The following COL6A5 variants were observed in gnomAD, a reference collection of about 807,000 sequenced individuals.
COL6A5 encodes the protein collagen alpha-5(VI) chain.
COL6A5 carries 48 observed loss-of-function variants against 65.6 expected under a neutral mutation model. The observed-to-expected ratio is 0.73, with a 90% CI of 0.58 to 0.93. The LOEUF (loss-of-function observed/expected upper bound fraction) is 0.93. Among genes scored for constraint, COL6A5 ranks in the 40% least tolerant of loss-of-function variants. The pLI is 0.00. For synonymous variants in COL6A5, 291 were observed against 322.8 expected (o/e 0.90, Z 1.05); for missense variants, 914 against 928.3 (o/e 0.98, Z 0.20).
At chr3:130,382,707 C>T (rs1466287780) in intron 4 of COL6A5, among the ~76,000 whole-genome samples, 1 of 152,102 alleles carries the variant, frequency 6.6e-6, no homozygotes, top group Non-Finnish European at 1.5e-5. Flanking sequence ...GAGAAACAAT[C>T]TATATCTGGC....
intron 22 of COL6A5, among the ~76,000 whole-genome samples, chr3:130,415,080 C>T (rs554022658): frequency 6.6e-6 from 1 of 152,194 alleles, no homozygotes; most frequent in South Asian, 2.1e-4. Flanking sequence ...GGCTCCTGGG[C>T]AGCCCAGGGC....
At chr3:130,473,708 T>G (rs778522042) in intron 7 of COL6A5, among the ~76,000 whole-genome samples, 12 of 152,198 alleles carry the variant, frequency 7.9e-5, no homozygotes, top group Non-Finnish European at 1.6e-4. Context: ...AGCAAGTGTT[T>G]CTTGTGATTA....
chr3:130,426,621 A>G (rs1471292208), upstream of COL6A5, among the ~76,000 whole-genome samples: 5 of 152,192 alleles, frequency 3.3e-5, no homozygotes, highest in Non-Finnish European at 5.9e-5. Flanking sequence ...GGCAATGCAG[A>G]CATCAAGAGA....
intron 5 of COL6A5, among the ~76,000 whole-genome samples, chr3:130,465,357 A>G (rs998122347): frequency 3.3e-5 from 5 of 152,082 alleles, no homozygotes; most frequent in African/African-American, 1.2e-4. Context: ...ATGCATGTGA[A>G]GGAATTACCT....
intron 28 of COL6A5, 77 bp from the exon 29 acceptor site, chr3:130,423,757 TAGAA>T: frequency 9.0e-7 from 1 of 1,116,086 alleles, no homozygotes. Context: ...TTTTTAAAAT[TAGAA>T]AGTCTTATCG....
chr3:130,415,586 A>G, intron 22 of COL6A5, 59 bp from the exon 23 acceptor site: 7 of 1,460,262 alleles, frequency 4.8e-6, no homozygotes, highest in African/African-American at 1.4e-5. Context: ...CAAAAGAAAC[A>G]CTGAGAAGTA....
chr3:130,463,375 A>C (rs1047339385), intron 5 of COL6A5, among the ~76,000 whole-genome samples: 1 of 152,004 alleles, frequency 6.6e-6, no homozygotes, highest in African/African-American at 2.4e-5. Flanking sequence ...ATTTCCCACA[A>C]ATGCCATGAA....
At chr3:130,468,862 A>G (rs1709879196) in exon 6 of COL6A5, 2 of 1,611,764 alleles carry the variant, frequency 1.2e-6, no homozygotes, top group East Asian at 4.5e-5. Context: ...TCTCTCTTCA[A>G]GAATATTACA....
intron 13 of COL6A5, among the ~76,000 whole-genome samples, chr3:130,405,257 A>G (rs1482283328): frequency 6.6e-6 from 1 of 152,206 alleles, no homozygotes; most frequent in African/African-American, 2.4e-5. Context: ...TTAGGGCCGT[A>G]GATGGATTAC....
chr3:130,406,827 T>C (rs1937010061), intron 17 of COL6A5, among the ~76,000 whole-genome samples: 1 of 152,204 alleles, frequency 6.6e-6, no homozygotes, highest in African/African-American at 2.4e-5. Context: ...TTCTGATCCA[T>C]TGATTTATGA....
intron 7 of COL6A5, among the ~76,000 whole-genome samples, chr3:130,471,340 A>G (rs1252877835): frequency 1.3e-5 from 2 of 152,130 alleles, no homozygotes; most frequent in African/African-American, 2.4e-5. Context: ...CATAAAAAAC[A>G]AAACAAAATA....
intron 7 of COL6A5, among the ~76,000 whole-genome samples, chr3:130,475,012 A>C (rs1710054756): frequency 1.1e-5 from 1 of 91,450 alleles, no homozygotes; most frequent in South Asian, 4.5e-4. Context: ...GTCTCCAAAA[A>C]AAAAAAAAAA....
intron 13 of COL6A5, 120 bp from the exon 14 acceptor site, chr3:130,405,468 A>T (rs1160111873): frequency 8.1e-6 from 5 of 614,110 alleles, no homozygotes; most frequent in Non-Finnish European, 1.5e-5. Flanking sequence ...TTTGAAGAGG[A>T]TTCACTTTTT....
At chr3:130,354,505 C>T (rs192905526) in intron 1 of COL6A5, among the ~76,000 whole-genome samples, 2 of 152,246 alleles carry the variant, frequency 1.3e-5, no homozygotes, top group East Asian at 3.9e-4. Flanking sequence ...TCTCTAGGGG[C>T]TTATTAAAAA....
rs112862449 is a variant in COL6A5 at position 130,448,798 on chromosome 3, G to A, written c.1332+5232G>A. Among the ~76,000 whole-genome samples the A allele has an allele frequency of 5.1e-3, 780 of 152,244 alleles. 10 individuals carry two copies. The highest frequency in any genetic ancestry group is 0.017 in the African/African-American group (709 of 41,552). On this transcript the variant is annotated intron_variant, in intron 4 of 7. Coordinates refer to ENST00000512836, the Ensembl canonical transcript of COL6A5. The stretch of plus-strand genomic sequence containing the variant: ...TGAGGAAGTACTTTCCATTGATAAC[G>A]AGCTGCAGGCTCCTGATTATTGATA...
intron 7 of COL6A5, among the ~76,000 whole-genome samples, chr3:130,473,260 A>G (rs1312539881): frequency 6.6e-6 from 1 of 152,068 alleles, no homozygotes; most frequent in African/African-American, 2.4e-5. Context: ...GTATATTGTG[A>G]AGGGCCATGA....
intron 8 of COL6A5, among the ~76,000 whole-genome samples, chr3:130,396,691 TG>T (rs1278326296): frequency 6.6e-6 from 1 of 152,342 alleles, no homozygotes; most frequent in Non-Finnish European, 1.5e-5. Flanking sequence ...TACTCTCAGC[TG>T]GAACTGAACA....
chr3:130,450,134 G>A (rs1240010746), intron 4 of COL6A5, among the ~76,000 whole-genome samples: 1 of 151,608 alleles, frequency 6.6e-6, no homozygotes, highest in Non-Finnish European at 1.5e-5. Flanking sequence ...AGGTAGATTT[G>A]TTTGTGCTGG....
intron 10 of COL6A5, 24 bp downstream of exon 10, chr3:130,398,135 T>TG (rs1559879323): frequency 9.7e-5 from 142 of 1,458,618 alleles, no homozygotes; most frequent in Non-Finnish European, 1.3e-4. Flanking sequence ...GTTGTTTTTT[T>TG]TTTTTTTTTT....
Sources: allele counts gnomAD v4.1 joint callset (sites outside exome capture counted in the v4.1 genomes callset), GRCh38; gene constraint gnomAD v4.1.1; transcripts MANE v1.5; gene names NCBI Gene and HGNC (gene_info 2026-07-23, HGNC 2026-07-21).